ANKRD44: variants seen among roughly 807,000 people sequenced by gnomAD.
The protein encoded by ANKRD44 is ankyrin repeat domain 44.
Under a neutral mutation model 116.0 loss-of-function variants are expected in ANKRD44, and 35 were observed. The observed-to-expected ratio is 0.30, with a 90% CI of 0.23 to 0.40. ANKRD44 has a LOEUF of 0.40. ANKRD44 is among the 10% of genes least tolerant of loss of function. The pLI is 1.00. For synonymous variants in ANKRD44, 435 were observed against 461.8 expected, an observed-to-expected ratio of 0.94 and a Z score of 0.74; for missense variants, 1,014 against 1,242.6, an observed-to-expected ratio of 0.82 and a Z score of 2.77.
At position 196,987,517 on chromosome 2, in the gene ANKRD44, A is replaced by G. The variant is rs142682510; in HGVS notation, c.*2074T>C. Reference sequence around the variant, plus strand: ...ACCAAGTTGCTCAACAGTACAAAGAATAACTAGTGCAGCAAATCCATTTGA... The same window carrying G: ...ACCAAGTTGCTCAACAGTACAAAGAGTAACTAGTGCAGCAAATCCATTTGA... On this transcript the variant is annotated 3_prime_UTR_variant, in exon 28 of 28. Transcript: ENST00000282272. 9.2e-5 allele frequency: 91 copies of G among 985,440 alleles called. No homozygotes were observed. In the African/African-American group the frequency reaches 1.5e-3, roughly 17 times the overall value. The allele number at this position is 985,440 out of a possible 1,614,324, so 61.0% of individuals were successfully genotyped here. A position where few individuals can be genotyped will look rare whatever the true frequency, so the allele number is the denominator to read the frequency against.
chr2:197,065,771 G>C (rs1159983028), intron 16 of ANKRD44, among the ~76,000 whole-genome samples: 1 of 146,488 alleles, frequency 6.8e-6, no homozygotes, highest in East Asian at 2.0e-4. Context: ...ATCCATGACT[G>C]AACTCTGAAA....
chr2:196,989,620 G>T lies in ANKRD44; in HGVS notation c.2953C>A (p.Pro985Thr). 2 of 1,550,286 alleles carry T rather than the reference G, an allele frequency of 1.3e-6. No individual in the cohort carries two copies. The highest frequency in any genetic ancestry group is 1.7e-6 in the Non-Finnish European group (2 of 1,146,822). Reference sequence around the variant, plus strand: ...TCTTCTTTTTGTACAGCGGTTCCAGGTGTGGAACGGGGTCCATTTGACCTA... The same window carrying T: ...TCTTCTTTTTGTACAGCGGTTCCAGTTGTGGAACGGGGTCCATTTGACCTA... The part of the protein sequence containing the change: ...ASRSNGPRST[P>T]GTAVQKEE Residue 985 changes from proline to threonine, a missense_variant, in exon 28 of 28, where the codon CCT becomes ACT. Coordinates refer to ENST00000282272, the MANE Select transcript of ANKRD44 (RefSeq NM_001195144.2).
rs1464210072 is a variant in ANKRD44 at position 197,212,050 on chromosome 2, T to TCACA, written c.28-24945_28-24944insTGTG. 4.6e-3 allele frequency among the ~76,000 whole-genome samples: 575 copies of TCACA among 123,768 alleles called. 3 individuals are homozygous for TCACA. The highest frequency in any genetic ancestry group is 0.013 in the African/African-American group (496 of 39,494). 81.2% of individuals were successfully genotyped at this position (123,768 alleles called of 152,430 possible). On this transcript the variant is annotated intron_variant, in intron 1 of 27. Transcript: ENST00000282272. The surrounding 1 kb of genome is among the most constrained non-coding windows in gnomAD (Gnocchi z 4.8). ...CTCTCTCTCTCTCAGTCTCTCTCTC[T>TCACA]CTCACACACACACACACACACACAC...
chr2:197,130,536 G>C (rs2079071736), intron 4 of ANKRD44, among the ~76,000 whole-genome samples: 1 of 152,134 alleles, frequency 6.6e-6, no homozygotes, highest in Non-Finnish European at 1.5e-5. Context: ...CTAGGGGTGA[G>C]GTTTTAGAAC....
At chr2:197,234,832 T>G (rs1014650390) in intron 1 of ANKRD44, among the ~76,000 whole-genome samples, 1 of 152,206 alleles carries the variant, frequency 6.6e-6, no homozygotes, top group African/African-American at 2.4e-5. Context: ...CTGCCCCAGT[T>G]GCCTAATGGA....
intron 1 of ANKRD44, among the ~76,000 whole-genome samples, chr2:197,287,343 T>C (rs191343693): frequency 5.5e-4 from 84 of 152,254 alleles, no homozygotes; most frequent in African/African-American, 1.9e-3. Context: ...GGTAAAAGTA[T>C]GAAGGAAGAG....
At chr2:197,119,683 T>A (rs1028443571) in intron 8 of ANKRD44, among the ~76,000 whole-genome samples, 2 of 152,240 alleles carry the variant, frequency 1.3e-5, no homozygotes, top group African/African-American at 2.4e-5. Context: ...AATAGACTGA[T>A]GTGATATTCT....
rs1489110170 is a variant in ANKRD44 at position 196,987,976 on chromosome 2, A to T, written c.*1615T>A. 1.0e-5 allele frequency: 10 copies of T among 985,216 alleles called. No homozygotes were observed. Among genetic ancestry groups the T allele is most frequent in the Non-Finnish European group, 1.1e-5 (9 of 829,884 alleles). 61.0% of individuals were successfully genotyped at this position (985,216 alleles called of 1,614,324 possible). On this transcript the variant is annotated 3_prime_UTR_variant, in exon 28 of 28. Coordinates refer to ENST00000282272, the MANE Select transcript of ANKRD44 (RefSeq NM_001195144.2). ...TGGGGTATGGGAGAAAGAGAAAGAG[A>T]GGAAGAGAGAGAGAGAGAGATCAGT...
chr2:196,988,071 G>C lies in ANKRD44; in HGVS notation c.*1520C>G. 1.0e-6 allele frequency: 1 copy of C among 985,412 alleles called. No individual in the cohort carries two copies. Among genetic ancestry groups the C allele is most frequent in the South Asian group, 4.7e-5 (1 of 21,284 alleles). The allele number at this position is 985,412 out of a possible 1,614,324, so 61.0% of individuals were successfully genotyped here. ...CTTTGTCCTCCTTCTATGAGTAAGAGAGTGGGAAAAGTCAAAACGCAGCTC... is the reference window on the plus strand; with the variant it reads ...CTTTGTCCTCCTTCTATGAGTAAGACAGTGGGAAAAGTCAAAACGCAGCTC... On this transcript the variant is annotated 3_prime_UTR_variant, in exon 28 of 28. Transcript: ENST00000282272.
At chr2:197,262,924 A>G (rs2697284) in intron 1 of ANKRD44, among the ~76,000 whole-genome samples, 119,087 of 151,722 alleles carry the variant, frequency 0.78, 46,915 homozygotes, top group South Asian at 0.83. Context: ...AACAAAAACA[A>G]AAAACGTTAG....
At chr2:197,213,057 G>A (rs999901456) in intron 1 of ANKRD44, among the ~76,000 whole-genome samples, 3 of 152,140 alleles carry the variant, frequency 2.0e-5, no homozygotes, top group Non-Finnish European at 2.9e-5. Context: ...TGGCTGTGTT[G>A]GCCTCCACAA....
chr2:197,264,081 C>A (rs2082680388), intron 1 of ANKRD44, among the ~76,000 whole-genome samples: 2 of 152,028 alleles, frequency 1.3e-5, no homozygotes, highest in Admixed American at 1.3e-4. Context: ...ATAGTGAGAT[C>A]ATGTTTCTTA....
chr2:197,138,315 T>C (rs1228081831), intron 3 of ANKRD44, among the ~76,000 whole-genome samples: 1 of 152,088 alleles, frequency 6.6e-6, no homozygotes, highest in African/African-American at 2.4e-5. Context: ...AAGGAAGAAG[T>C]CAAATAGGAA....
chr2:197,309,722 G>T (rs1292379372), intron 1 of ANKRD44, among the ~76,000 whole-genome samples: 1 of 152,174 alleles, frequency 6.6e-6, no homozygotes, highest in Non-Finnish European at 1.5e-5. Context: ...GAGCTGCAAA[G>T]AGTTTTGTCA....
rs2081146349 is a variant in ANKRD44 at position 197,203,812 on chromosome 2, G to A, written c.28-16706C>T. ...AAAGGAACAGCGTATAATGATAGAT[G>A]CTACAACATGGATGAACCTTGGAAA... is the stretch of plus-strand genomic sequence containing the variant. On this transcript the variant is annotated intron_variant, in intron 1 of 27. Transcript: ENST00000282272. This position sits in a 1 kb window ranked among gnomAD's most constrained non-coding sequence, Gnocchi z 4.1. 6.6e-6 allele frequency among the ~76,000 whole-genome samples: 1 copy of A among 152,200 alleles called. No homozygotes were observed. The highest frequency in any genetic ancestry group is 6.5e-5 in the Admixed American group (1 of 15,268).
At chr2:197,000,397 C>G (rs1220454004) in intron 23 of ANKRD44, 22 bp downstream of exon 23, 1 of 1,593,744 alleles carries the variant, frequency 6.3e-7, no homozygotes, top group East Asian at 2.2e-5. Flanking sequence ...AAGAAAAAAG[C>G]ATGCTGTTTT....
At chr2:197,016,484 G>C (rs1437963765) in intron 17 of ANKRD44, among the ~76,000 whole-genome samples, 1 of 152,054 alleles carries the variant, frequency 6.6e-6, no homozygotes, top group Non-Finnish European at 1.5e-5. Flanking sequence ...TAACAATAAA[G>C]AAGATCACTA....
intron 1 of ANKRD44, among the ~76,000 whole-genome samples, chr2:197,234,973 A>G (rs2081948475): frequency 6.6e-6 from 1 of 152,246 alleles, no homozygotes; most frequent in South Asian, 2.1e-4. Flanking sequence ...AAGTCTTTCA[A>G]ACTACACCCT....
At chr2:197,052,681 G>T (rs1411632425) in intron 16 of ANKRD44, among the ~76,000 whole-genome samples, 2 of 152,092 alleles carry the variant, frequency 1.3e-5, no homozygotes, top group Non-Finnish European at 2.9e-5. Context: ...TGGGGAGAAG[G>T]TGAGCTGCTC....
Sources: allele counts gnomAD v4.1 joint callset (sites outside exome capture counted in the v4.1 genomes callset), GRCh38; gene constraint gnomAD v4.1.1; non-coding constraint Gnocchi (gnomAD v3.1); transcripts MANE v1.5; gene names NCBI Gene and HGNC (gene_info 2026-07-23, HGNC 2026-07-21).